PLS1: variants seen among roughly 807,000 people sequenced by gnomAD.
PLS1 encodes the protein plastin 1.
Under a neutral mutation model 73.7 loss-of-function variants are expected in PLS1, and 32 were observed. That is an observed-to-expected ratio of 0.43 (90% CI 0.33 to 0.58). The LOEUF is 0.58. PLS1 is among the 20% of genes least tolerant of loss of function. The pLI is 0.04. For missense variants in PLS1, 633 were observed against 740.5 expected, an observed-to-expected ratio of 0.85 and a Z score of 1.68; for synonymous variants, 217 against 261.3, an observed-to-expected ratio of 0.83 and a Z score of 1.63.
intron 14 of PLS1, among the ~76,000 whole-genome samples, chr3:142,705,114 CCAGTT>C (rs1345291522): frequency 2.0e-5 from 3 of 151,736 alleles, no homozygotes; most frequent in Non-Finnish European, 4.4e-5. Context: ...GATTGGTTGT[CCAGTT>C]AAGTATAAAT....
At chr3:142,665,321 T>G (rs1247285205) in intron 2 of PLS1, among the ~76,000 whole-genome samples, 1 of 147,430 alleles carries the variant, frequency 6.8e-6, no homozygotes, top group African/African-American at 2.5e-5. Flanking sequence ...ACCAAAAAAC[T>G]GTGAAACTCA....
At chr3:142,640,575 A>G (rs924656555) in intron 1 of PLS1, among the ~76,000 whole-genome samples, 1 of 152,158 alleles carries the variant, frequency 6.6e-6, no homozygotes, top group African/African-American at 2.4e-5. Flanking sequence ...TGGATCTGGA[A>G]TGATTACCAA....
At chr3:142,687,244 A>G (rs557749798) in intron 9 of PLS1, among the ~76,000 whole-genome samples, 4 of 152,108 alleles carry the variant, frequency 2.6e-5, no homozygotes, top group African/African-American at 9.6e-5. Flanking sequence ...AAAGGTGCAA[A>G]AAAATCTAGT....
intron 1 of PLS1, among the ~76,000 whole-genome samples, chr3:142,603,057 G>T (rs2108535579): frequency 6.6e-6 from 1 of 152,302 alleles, no homozygotes; most frequent in African/African-American, 2.4e-5. Context: ...ATGAACGTCG[G>T]GGAGAAAGAG....
At chr3:142,614,213 A>C (rs1435889590) in intron 1 of PLS1, among the ~76,000 whole-genome samples, 1 of 152,202 alleles carries the variant, frequency 6.6e-6, no homozygotes, top group African/African-American at 2.4e-5. Context: ...GAGGAGGAAA[A>C]AGAATACATA....
At chr3:142,602,358 A>G (rs2035942083) in intron 1 of PLS1, among the ~76,000 whole-genome samples, 1 of 152,118 alleles carries the variant, frequency 6.6e-6, no homozygotes, top group Admixed American at 6.5e-5. Context: ...GTGACCAGGT[A>G]TAAGGATTTC....
chr3:142,678,132 C>G lies in PLS1; in HGVS notation c.579+19C>G. 8.0e-7 allele frequency: 1 copy of G among 1,254,658 alleles called. No individual in the cohort carries two copies. The highest frequency in any genetic ancestry group is 1.6e-5 in the African/African-American group (1 of 64,118). The allele number at this position is 1,254,658 out of a possible 1,614,324, so 77.7% of individuals were successfully genotyped here. On this transcript the variant is annotated intron_variant, in intron 6 of 15. Transcript: ENST00000457734. Reference sequence around the variant, plus strand: ...TATTTCTGTAAGTATTTGCCCTTTGCTTATTATCATGTTACTATGCTGAGA... The same window carrying G: ...TATTTCTGTAAGTATTTGCCCTTTGGTTATTATCATGTTACTATGCTGAGA...
At chr3:142,609,993 C>T (rs1024363254) in intron 1 of PLS1, among the ~76,000 whole-genome samples, 14 of 152,116 alleles carry the variant, frequency 9.2e-5, no homozygotes, top group Non-Finnish European at 1.6e-4. Context: ...CTCAGCCTCG[C>T]GAGTAGCTGG....
intron 10 of PLS1, among the ~76,000 whole-genome samples, chr3:142,690,572 G>A (rs1342474332): frequency 6.6e-6 from 1 of 152,070 alleles, no homozygotes; most frequent in Non-Finnish European, 1.5e-5. Flanking sequence ...TATTGTAGTT[G>A]TAAACACATT....
intron 1 of PLS1, among the ~76,000 whole-genome samples, chr3:142,606,816 A>C (rs1239043430): frequency 6.6e-6 from 1 of 152,206 alleles, no homozygotes; most frequent in Non-Finnish European, 1.5e-5. Flanking sequence ...TTGTGTGGAC[A>C]TATCACATTT....
At chr3:142,709,061 T>TA (rs1191401406) in intron 14 of PLS1, among the ~76,000 whole-genome samples, 1 of 152,184 alleles carries the variant, frequency 6.6e-6, no homozygotes, top group Admixed American at 6.5e-5. Context: ...ACTTGTATTT[T>TA]AAAAAATAAT....
At chr3:142,645,022 A>G (rs2036922689) in intron 1 of PLS1, among the ~76,000 whole-genome samples, 1 of 152,234 alleles carries the variant, frequency 6.6e-6, no homozygotes, top group African/African-American at 2.4e-5. Context: ...AATCCTTCCA[A>G]ACTCTAACCC....
chr3:142,669,137 C>G (rs529565976), intron 2 of PLS1, among the ~76,000 whole-genome samples: 1 of 152,262 alleles, frequency 6.6e-6, no homozygotes, highest in East Asian at 1.9e-4. Flanking sequence ...GCCTCGAACT[C>G]CTGGGCTCAG....
intron 1 of PLS1, among the ~76,000 whole-genome samples, chr3:142,632,611 T>C (rs184187861): frequency 0.032 from 4,870 of 151,482 alleles, 128 homozygotes; most frequent in Non-Finnish European, 0.047. Context: ...TTTTTTTTTT[T>C]CCCCTGAGAC....
At position 142,690,827 on chromosome 3, in the gene PLS1, C is replaced by T. The variant is rs562462906; in HGVS notation, c.1177+1014C>T. Among the ~76,000 whole-genome samples, 95 of 152,264 alleles carry T rather than the reference C, an allele frequency of 6.2e-4. 1 individual carries two copies. The South Asian group carries it at 7.9e-3, about 13-fold the overall frequency. On this transcript the variant is annotated intron_variant, in intron 10 of 15. Transcript: ENST00000457734. ...TTTCCCAGCCTTTCTTTTTTTCCCA[C>T]TCTCATACATACCAACACCCACATT...
At chr3:142,603,043 G>T (rs1190531221) in intron 1 of PLS1, among the ~76,000 whole-genome samples, 1 of 152,222 alleles carries the variant, frequency 6.6e-6, no homozygotes. Flanking sequence ...TACTCTGGCT[G>T]ATGATGAACG....
intron 12 of PLS1, among the ~76,000 whole-genome samples, chr3:142,699,744 A>G (rs1389751980): frequency 6.6e-6 from 1 of 152,228 alleles, no homozygotes; most frequent in Non-Finnish European, 1.5e-5. Flanking sequence ...ACATCTATAG[A>G]ATGAAAATGT....
In PLS1 at chr3:142,641,175, T is replaced by TTA. The variant is rs1553783958; in HGVS notation, c.-36-23014_-36-23013dup. ...CAGAGTGATTATATATATATATATATTATATATATATATAATCTGTCTATA... is the reference window on the plus strand; with the variant it reads ...CAGAGTGATTATATATATATATATATTATATATATATATATAATCTGTCTATA... On this transcript the variant is annotated intron_variant, in intron 1 of 15. Coordinates refer to ENST00000457734, the MANE Select transcript of PLS1 (RefSeq NM_001145319.2). 2.8e-3 allele frequency among the ~76,000 whole-genome samples: 403 copies of TTA among 143,330 alleles called. 2 individuals carry two copies. Among genetic ancestry groups the TTA allele is most frequent in the African/African-American group, 9.3e-3 (361 of 38,986 alleles). The allele number at this position is 143,330 out of a possible 152,430, so 94.0% of individuals were successfully genotyped here.
chr3:142,698,097 GT>G (rs760676728), intron 12 of PLS1, 30 bp downstream of exon 12: 26 of 1,188,456 alleles, frequency 2.2e-5, no homozygotes, highest in Non-Finnish European at 3.2e-5. Context: ...TGGATATATT[GT>G]TATTGTTCTG....
Sources: gnomAD v4.1 joint callset for allele counts (sites outside exome capture counted in the v4.1 genomes callset) on GRCh38, gnomAD v4.1.1 for gene constraint, MANE v1.5 for transcripts, NCBI Gene and HGNC (gene_info 2026-07-23, HGNC 2026-07-21) for gene names.